Variants in CCDC141 observed in about 807,000 individuals in gnomAD.
The protein encoded by CCDC141 is coiled-coil domain-containing protein 141.
CCDC141 carries 168 observed loss-of-function variants against 181.0 expected under a neutral mutation model. The ratio of observed to expected loss-of-function variants is 0.93; its 90% confidence interval spans 0.82 to 1.05. The LOEUF (loss-of-function observed/expected upper bound fraction) is 1.05, where lower values mean the gene tolerates loss of function less well. Ranked by LOEUF, CCDC141 falls within the 50% of genes least tolerant of loss-of-function variation. CCDC141 has a pLI of 0.00. For missense variants in CCDC141, 1,902 were observed against 1,788.5 expected (o/e 1.06, Z -1.14); for synonymous variants, 666 against 642.3 (o/e 1.04, Z -0.56).
intron 5 of CCDC141, among the ~76,000 whole-genome samples, chr2:178,956,024 C>G (rs946202551): frequency 6.6e-6 from 1 of 152,172 alleles, no homozygotes; most frequent in Non-Finnish European, 1.5e-5. Context: ...ATGATGGTAA[C>G]AACTGCTAAC....
intron 2 of CCDC141, among the ~76,000 whole-genome samples, chr2:179,023,097 G>C (rs763119078): frequency 2.0e-5 from 3 of 152,150 alleles, no homozygotes; most frequent in Non-Finnish European, 4.4e-5. Context: ...CTAGCTATAT[G>C]ACCAGGGCAA....
chr2:178,978,670 C>G lies in CCDC141; in HGVS notation c.231G>C (p.Leu77Phe). The G allele has an allele frequency of 6.5e-7, 1 of 1,533,794 alleles. No homozygotes were observed. Residue 77 changes from leucine to phenylalanine, a missense_variant, in exon 3 of 24, where the codon TTG becomes TTC. Coordinates refer to ENST00000443758, the MANE Select transcript of CCDC141 (RefSeq NM_173648.4). ...GCAAGAGTTCCCATACCCGATCTTC[C>G]AAAGCCTAAGTACAAAAGAAAAAGG... ...HELLLAKLKA[L>F]EDRVWELLQE...
At chr2:178,952,642 A>G (rs139105335) in intron 5 of CCDC141, among the ~76,000 whole-genome samples, 18 of 152,368 alleles carry the variant, frequency 1.2e-4, no homozygotes, top group African/African-American at 4.1e-4. Context: ...CTCCTTCTAC[A>G]AATACTATCA....
rs1183436885 is a variant in CCDC141, at chr2:178,885,148, C to T, written c.1528-56G>A. 5.7e-6 allele frequency: 7 copies of T among 1,218,652 alleles called. No individual in the cohort carries two copies. In the Admixed American group the frequency reaches 6.4e-5, roughly 11 times the overall value. The allele number at this position is 1,218,652 out of a possible 1,614,324, so 75.5% of individuals were successfully genotyped here. A position where few individuals can be genotyped will look rare whatever the true frequency, so the allele number is the denominator to read the frequency against. ...CTGACAGGGGAATCATGAACATTCA[C>T]GTTTCATTATCTTCTGCATATCCAC... On this transcript the variant is annotated intron_variant, in intron 10 of 23. Transcript: ENST00000443758.
Position 178,853,502 on chromosome 2 carries a change from G to A in CCDC141, c.3183C>T (p.Pro1061=), listed in dbSNP as rs1251284933. 1 of 1,614,162 alleles carries A rather than the reference G, an allele frequency of 6.2e-7. No individual in the cohort carries two copies. Among genetic ancestry groups the A allele is most frequent in the South Asian group, 1.1e-5 (1 of 91,084 alleles). ...LHQQFNKFIA[P]SVPQQEERIQ... Reference sequence around the variant, plus strand: ...TCCTTTCTTCTTGCTGCGGCACTGAGGGTGCAATAAACTTATTAAACTGCT... The same window carrying A: ...TCCTTTCTTCTTGCTGCGGCACTGAAGGTGCAATAAACTTATTAAACTGCT... Residue 1061 remains proline (P), a synonymous_variant, in exon 20 of 24, where the codon CCC becomes CCT. Coordinates refer to ENST00000443758, the MANE Select transcript of CCDC141 (RefSeq NM_173648.4).
chr2:178,861,888 T>G (rs994924310), intron 17 of CCDC141, among the ~76,000 whole-genome samples: 4 of 152,166 alleles, frequency 2.6e-5, no homozygotes, highest in African/African-American at 9.7e-5. Flanking sequence ...TCTTGAAAAA[T>G]AATTATTGTC....
chr2:178,983,786 G>A (rs1444983560), intron 2 of CCDC141, among the ~76,000 whole-genome samples: 3 of 151,576 alleles, frequency 2.0e-5, no homozygotes, highest in Admixed American at 6.6e-5. Flanking sequence ...AAAGAAATGA[G>A]CAAAGCCTCC....
intron 5 of CCDC141, among the ~76,000 whole-genome samples, chr2:178,958,789 A>T (rs533147094): frequency 6.6e-6 from 1 of 152,064 alleles, no homozygotes; most frequent in Non-Finnish European, 1.5e-5. Flanking sequence ...AGGCAAAATT[A>T]CTGTTTTAAA....
chr2:178,940,776 G>A (rs986753711), intron 6 of CCDC141, among the ~76,000 whole-genome samples: 4 of 152,092 alleles, frequency 2.6e-5, no homozygotes, highest in African/African-American at 9.7e-5. Flanking sequence ...GGAATACCAA[G>A]GTAAGATACT....
At chr2:178,997,130 T>G (rs1692323868) in intron 2 of CCDC141, among the ~76,000 whole-genome samples, 3 of 152,176 alleles carry the variant, frequency 2.0e-5, no homozygotes, top group African/African-American at 7.2e-5. Flanking sequence ...AAAGGCAGAA[T>G]GTACCCTGGC....
chr2:178,879,220 A>C (rs989666246), intron 11 of CCDC141, among the ~76,000 whole-genome samples: 21 of 152,332 alleles, frequency 1.4e-4, no homozygotes, highest in Non-Finnish European at 2.6e-4. Context: ...AAATTATTTG[A>C]CACAAGTTTG....
intron 6 of CCDC141, among the ~76,000 whole-genome samples, chr2:178,937,482 A>G (rs556936279): frequency 7.8e-4 from 118 of 152,194 alleles, no homozygotes; most frequent in African/African-American, 2.0e-3. Flanking sequence ...GTGCTGTTCA[A>G]TTTGGTTTTG....
At chr2:179,040,011 G>A (rs1350954545) in intron 2 of CCDC141, among the ~76,000 whole-genome samples, 1 of 152,142 alleles carries the variant, frequency 6.6e-6, no homozygotes, top group African/African-American at 2.4e-5. Flanking sequence ...ACTAGTTAAA[G>A]TTTGTTAGGG....
chr2:179,032,990 G>GAATATTATATATATATATAATATAT (rs1159572736), intron 2 of CCDC141, among the ~76,000 whole-genome samples: 140 of 146,756 alleles, frequency 9.5e-4, no homozygotes, highest in African/African-American at 3.0e-3. Flanking sequence ...ATATATCTCA[G>GAATATTATATATATATATAATATAT]AATATTATAT....
intron 8 of CCDC141, among the ~76,000 whole-genome samples, chr2:178,904,346 G>A (rs1220377223): frequency 1.3e-5 from 2 of 152,056 alleles, no homozygotes; most frequent in African/African-American, 4.8e-5. Flanking sequence ...ACAAACCCTG[G>A]GTTAAATACC....
chr2:179,005,142 C>T (rs1411979315), intron 2 of CCDC141, among the ~76,000 whole-genome samples: 1 of 152,122 alleles, frequency 6.6e-6, no homozygotes, highest in Non-Finnish European at 1.5e-5. Flanking sequence ...CTATTCAAAC[C>T]TAATATGAAC....
At chr2:178,952,461 A>T (rs1041379371) in intron 5 of CCDC141, among the ~76,000 whole-genome samples, 6 of 152,204 alleles carry the variant, frequency 3.9e-5, no homozygotes, top group Non-Finnish European at 8.8e-5. Context: ...CACAGAGGCC[A>T]AGTAACTGGC....
At chr2:178,987,407 T>G (rs368317878) in intron 2 of CCDC141, among the ~76,000 whole-genome samples, 279 of 151,970 alleles carry the variant, frequency 1.8e-3, no homozygotes, top group Non-Finnish European at 2.6e-3. Flanking sequence ...CATAGGCATG[T>G]GCAAGGACTT....
At chr2:178,979,482 A>G (rs1161782311) in intron 2 of CCDC141, among the ~76,000 whole-genome samples, 1 of 152,232 alleles carries the variant, frequency 6.6e-6, no homozygotes, top group East Asian at 1.9e-4. Context: ...ACATAATTAA[A>G]TATCAATTAA....
Sources: allele counts gnomAD v4.1 joint callset (sites outside exome capture counted in the v4.1 genomes callset), GRCh38; gene constraint gnomAD v4.1.1; transcripts MANE v1.5; gene names NCBI Gene and HGNC (gene_info 2026-07-23, HGNC 2026-07-21).